ADGRL2: variants seen among roughly 807,000 people sequenced by gnomAD.
The protein encoded by ADGRL2 is adhesion G protein-coupled receptor L2.
A neutral mutation model predicts 157.4 loss-of-function variants in ADGRL2; 44 were observed. The observed-to-expected ratio is 0.28, with a 90% CI of 0.22 to 0.36. ADGRL2 has a LOEUF of 0.36. Among genes scored for constraint, ADGRL2 ranks in the 10% least tolerant of loss-of-function variants. The pLI, the probability that ADGRL2 is intolerant of heterozygous loss-of-function variation, is 1.00. For synonymous variants in ADGRL2, 585 were observed against 624.7 expected (o/e 0.94, Z 0.95); for missense variants, 1,510 against 1,768.9 (o/e 0.85, Z 2.63).
intron 2 of ADGRL2, among the ~76,000 whole-genome samples, chr1:81,549,617 A>T (rs139694756): frequency 2.9e-3 from 436 of 152,350 alleles, no homozygotes; most frequent in Non-Finnish European, 4.9e-3. Context: ...TCCTCCTGGA[A>T]TCTGGCACCA....
Position 81,894,503 on chromosome 1 carries a change from T to A in ADGRL2, c.74-12514T>A, listed in dbSNP as rs1267589004. Reference sequence around the variant, plus strand: ...GTTGTTCCCACAAGCTCTGTATATCTTTTGGAAATCTATCTTTATATCTGT... The same window carrying A: ...GTTGTTCCCACAAGCTCTGTATATCATTTGGAAATCTATCTTTATATCTGT... On this transcript the variant is annotated intron_variant, in intron 2 of 23. Transcript: ENST00000686636. 2.0e-5 allele frequency among the ~76,000 whole-genome samples: 3 copies of A among 152,296 alleles called. No homozygotes were observed. The East Asian group carries it at 5.8e-4, about 29-fold the overall frequency.
At position 81,592,351 on chromosome 1, in the gene ADGRL2, C is replaced by T. The variant is rs145340279; in HGVS notation, c.-143+11371C>T. On this transcript the variant is annotated intron_variant, in intron 3 of 24. Transcript: ENST00000370721. Reference sequence around the variant, plus strand: ...TAAAAATTGTTAAATGAATGTGTTCCGATAAAATGTTATTTACAAAAAGAA... The same window carrying T: ...TAAAAATTGTTAAATGAATGTGTTCTGATAAAATGTTATTTACAAAAAGAA... 5.0e-4 allele frequency among the ~76,000 whole-genome samples: 76 copies of T among 152,262 alleles called. 1 individual carries two copies. Among genetic ancestry groups the T allele is most frequent in the African/African-American group, 1.5e-3 (63 of 41,554 alleles).
chr1:81,346,930 T>C (rs754333427), intron 1 of ADGRL2, among the ~76,000 whole-genome samples: 17 of 151,548 alleles, frequency 1.1e-4, no homozygotes, highest in Non-Finnish European at 2.2e-4. Context: ...GCTAAAAGAG[T>C]TTTGAGGTGC....
chr1:81,462,681 T>G (rs907340989), intron 2 of ADGRL2, among the ~76,000 whole-genome samples: 7 of 152,230 alleles, frequency 4.6e-5, no homozygotes, highest in Non-Finnish European at 5.9e-5. Flanking sequence ...TCCAAGTATT[T>G]TATTAAGTGT....
rs576089343 is a variant in ADGRL2, at chr1:81,546,011, G to A, written c.-247-34865G>A. 5.1e-4 allele frequency among the ~76,000 whole-genome samples: 77 copies of A among 152,266 alleles called. No individual in the cohort carries two copies. In the South Asian group the frequency reaches 0.015, roughly 30 times the overall value. On this transcript the variant is annotated intron_variant, in intron 2 of 24. Transcript: ENST00000370721. ...CTGTTTATCCTGCCACTGGGTGCGG[G>A]GGGAAGGGAATAGCTCTGGACGGAT...
At chr1:81,983,822 T>G (rs1662323650) in intron 19 of ADGRL2, among the ~76,000 whole-genome samples, 1 of 151,978 alleles carries the variant, frequency 6.6e-6, no homozygotes, top group Non-Finnish European at 1.5e-5. Flanking sequence ...TTTTTAGACC[T>G]AACAACTTTT....
At chr1:81,371,131 A>G (rs762113563) in intron 1 of ADGRL2, among the ~76,000 whole-genome samples, 11 of 152,196 alleles carry the variant, frequency 7.2e-5, no homozygotes, top group Non-Finnish European at 1.5e-4. Flanking sequence ...ATGCAGCAGC[A>G]TCTTTAGGGC....
At chr1:81,753,744 A>C (rs1477488669) in intron 1 of ADGRL2, among the ~76,000 whole-genome samples, 1 of 152,178 alleles carries the variant, frequency 6.6e-6, no homozygotes, top group African/African-American at 2.4e-5. Context: ...CAAATATTCT[A>C]TTTGGTTTTG....
chr1:81,476,830 T>C (rs546288533), intron 2 of ADGRL2, among the ~76,000 whole-genome samples: 1 of 152,182 alleles, frequency 6.6e-6, no homozygotes, highest in Admixed American at 6.5e-5. Flanking sequence ...AGATATCCTC[T>C]CAGATTCTGT....
chr1:81,379,433 G>A lies in ADGRL2; in HGVS notation c.-301-65603G>A, dbSNP rs570198986. Among the ~76,000 whole-genome samples, 19 of 152,314 alleles carry A rather than the reference G, an allele frequency of 1.2e-4. No homozygotes were observed. The South Asian group carries it at 3.5e-3, about 28-fold the overall frequency. On this transcript the variant is annotated intron_variant, in intron 1 of 24. Coordinates refer to the ADGRL2 transcript ENST00000370721. ...GACCCCCTTCCTTATCACAAGGAGA[G>A]AGAGATTTCTGTATCCCGGGGTTTC...
intron 1 of ADGRL2, among the ~76,000 whole-genome samples, chr1:81,745,496 T>A (rs1281359160): frequency 6.6e-6 from 1 of 152,170 alleles, no homozygotes; most frequent in African/African-American, 2.4e-5. Flanking sequence ...TATGATTCAA[T>A]CTAATACCTA....
At chr1:81,736,757 C>T (rs899127909) in intron 1 of ADGRL2, among the ~76,000 whole-genome samples, 23 of 152,124 alleles carry the variant, frequency 1.5e-4, no homozygotes, top group African/African-American at 5.6e-4. Flanking sequence ...AGAGATGCCA[C>T]CTGGAATTTT....
intron 1 of ADGRL2, among the ~76,000 whole-genome samples, chr1:81,824,421 C>T (rs2091278189): frequency 6.6e-6 from 1 of 151,800 alleles, no homozygotes; most frequent in South Asian, 2.1e-4. Flanking sequence ...ACTACAGGCA[C>T]ATGCCACCAT....
chr1:81,516,308 C>A (rs764551218), intron 2 of ADGRL2, among the ~76,000 whole-genome samples: 1 of 152,112 alleles, frequency 6.6e-6, no homozygotes, highest in Non-Finnish European at 1.5e-5. Context: ...AGGGCAATTG[C>A]GAGAGGTCCA....
Position 81,943,528 on chromosome 1 carries a change from A to G in ADGRL2, c.969A>G (p.Gly323=), listed in dbSNP as rs766281616. Residue 323 remains glycine (G), a synonymous_variant, in exon 6 of 24, where the codon GGA becomes GGG. Transcript: ENST00000686636. This position sits in a 1 kb window ranked among gnomAD's most constrained non-coding sequence, Gnocchi z 5.6. ...CATCAAATGCTTTTATGATATGCGG[A>G]GTCCTCTATGTGGTTAGGTCAGTTT... ...RAASNAFMIC[G]VLYVVRSVYQ... is the part of the protein sequence containing the mutation. 3 of 1,613,794 alleles carry G rather than the reference A, an allele frequency of 1.9e-6. No homozygotes were observed. Among genetic ancestry groups the G allele is most frequent in the Non-Finnish European group, 2.5e-6 (3 of 1,179,754 alleles).
At chr1:81,344,534 G>A (rs1039568266) in intron 1 of ADGRL2, among the ~76,000 whole-genome samples, 2 of 151,350 alleles carry the variant, frequency 1.3e-5, no homozygotes, top group African/African-American at 4.9e-5. Flanking sequence ...AAATTAGCTG[G>A]GCATGCCTGT....
At chr1:81,850,211 CT>C (rs1255205034) in intron 2 of ADGRL2, among the ~76,000 whole-genome samples, 1 of 151,922 alleles carries the variant, frequency 6.6e-6, no homozygotes, top group African/African-American at 2.4e-5. Context: ...TCACTGGAGT[CT>C]TACAGCTGTC....
intron 2 of ADGRL2, among the ~76,000 whole-genome samples, chr1:81,867,343 C>T (rs1256526111): frequency 6.6e-6 from 1 of 152,166 alleles, no homozygotes. Context: ...AAAAGGAGTG[C>T]TGTTTTGGGT....
intron 2 of ADGRL2, among the ~76,000 whole-genome samples, chr1:81,511,377 GAA>G (rs1160303114): frequency 1.3e-4 from 8 of 60,748 alleles, no homozygotes; most frequent in Non-Finnish European, 2.3e-4. Flanking sequence ...CCTTGTCTCA[GAA>G]AAAAAAAAAA....
Sources: gnomAD v4.1 joint callset for allele counts (sites outside exome capture counted in the v4.1 genomes callset) on GRCh38, gnomAD v4.1.1 for gene constraint, Gnocchi (gnomAD v3.1) non-coding constraint, MANE v1.5 for transcripts, NCBI Gene and HGNC (gene_info 2026-07-23, HGNC 2026-07-21) for gene names.